The following MAST4 variants were observed in gnomAD, a reference collection of about 807,000 sequenced individuals.
The protein encoded by MAST4 is microtubule-associated serine/threonine-protein kinase 4.
A neutral mutation model predicts 162.7 loss-of-function variants in MAST4; 89 were observed. The observed-to-expected ratio is 0.55, with a 90% CI of 0.46 to 0.65. The LOEUF (loss-of-function observed/expected upper bound fraction) is 0.65, where lower values mean the gene tolerates loss of function less well. Among genes scored for constraint, MAST4 ranks in the 30% least tolerant of loss-of-function variants. The pLI is 0.00. For missense variants in MAST4, 3,153 were observed against 3,374.0 expected (o/e 0.93, Z 1.62); for synonymous variants, 1,479 against 1,361.1 (o/e 1.09, Z -1.91).
At chr5:67,131,595 C>G (rs1038369328) in intron 15 of MAST4, among the ~76,000 whole-genome samples, 1 of 152,182 alleles carries the variant, frequency 6.6e-6, no homozygotes. Flanking sequence ...GCCAAACCTC[C>G]TCTCTTATGA....
chr5:66,855,774 A>G (rs1265217561), intron 3 of MAST4, among the ~76,000 whole-genome samples: 1 of 152,190 alleles, frequency 6.6e-6, no homozygotes, highest in South Asian at 2.1e-4. Flanking sequence ...TTGTTCTCCC[A>G]GGGGAATGGA....
chr5:66,937,722 A>G (rs1742912390), intron 4 of MAST4, among the ~76,000 whole-genome samples: 1 of 151,952 alleles, frequency 6.6e-6, no homozygotes, highest in Non-Finnish European at 1.5e-5. Flanking sequence ...TTCTCCCTTC[A>G]TGCTGTATTT....
At chr5:67,133,237 A>T (rs1224619268) in intron 16 of MAST4, among the ~76,000 whole-genome samples, 2 of 151,850 alleles carry the variant, frequency 1.3e-5, no homozygotes, top group African/African-American at 4.8e-5. Flanking sequence ...AATTTTTCTA[A>T]GAGTTTCAAA....
chr5:66,879,921 C>A (rs191128651), intron 3 of MAST4, among the ~76,000 whole-genome samples: 7 of 152,328 alleles, frequency 4.6e-5, no homozygotes, highest in Non-Finnish European at 4.4e-5. Flanking sequence ...CCCACCAGTT[C>A]TTCTTTGGGG....
chr5:66,906,439 G>A (rs985742101), intron 4 of MAST4, among the ~76,000 whole-genome samples: 10 of 152,136 alleles, frequency 6.6e-5, no homozygotes, highest in African/African-American at 2.4e-4. Context: ...AGTCTATTAG[G>A]GCTGGCCTTG....
chr5:66,849,060 A>G (rs551943839), intron 3 of MAST4, among the ~76,000 whole-genome samples: 4 of 152,176 alleles, frequency 2.6e-5, no homozygotes, highest in African/African-American at 4.8e-5. Context: ...ATGACTCTCA[A>G]TATCCCCATT....
chr5:66,760,802 T>C (rs922883741), intron 2 of MAST4, among the ~76,000 whole-genome samples: 7 of 152,174 alleles, frequency 4.6e-5, no homozygotes, highest in Non-Finnish European at 8.8e-5. Context: ...ATATATAATT[T>C]CAAATAGCTA....
At chr5:66,954,246 C>T (rs1745030499) in intron 4 of MAST4, among the ~76,000 whole-genome samples, 1 of 152,148 alleles carries the variant, frequency 6.6e-6, no homozygotes, top group South Asian at 2.1e-4. Context: ...TGATGTATGC[C>T]TTCCAGCCGG....
At chr5:66,638,030 T>C (rs1745235707) in intron 1 of MAST4, among the ~76,000 whole-genome samples, 1 of 152,210 alleles carries the variant, frequency 6.6e-6, no homozygotes, top group East Asian at 1.9e-4. Context: ...TAGTTGTAAT[T>C]TATTCCTCAG....
chr5:67,096,133 T>C (rs1764445080), intron 7 of MAST4, among the ~76,000 whole-genome samples: 1 of 152,086 alleles, frequency 6.6e-6, no homozygotes, highest in South Asian at 2.1e-4. Context: ...TCTTAATTTG[T>C]CTGTGCCTTC....
At chr5:67,005,855 T>G (rs1268202305) in intron 4 of MAST4, among the ~76,000 whole-genome samples, 3 of 152,146 alleles carry the variant, frequency 2.0e-5, no homozygotes, top group African/African-American at 4.8e-5. Context: ...ACCTTTTGAG[T>G]TGTGTTAATA....
At chr5:66,644,172 CTAGATGTATG>C (rs1745671607) in intron 1 of MAST4, among the ~76,000 whole-genome samples, 1 of 151,394 alleles carries the variant, frequency 6.6e-6, no homozygotes, top group Non-Finnish European at 1.5e-5. Context: ...TAAGATCCTA[CTAGATGTATG>C]TATGAACAAT....
At chr5:66,981,274 T>G (rs1310573869) in intron 4 of MAST4, among the ~76,000 whole-genome samples, 2 of 152,216 alleles carry the variant, frequency 1.3e-5, no homozygotes, top group African/African-American at 4.8e-5. Flanking sequence ...ATGTTCTTAT[T>G]TATTGGAAAT....
intron 3 of MAST4, among the ~76,000 whole-genome samples, chr5:66,878,846 G>T (rs563887756): frequency 6.6e-6 from 1 of 152,102 alleles, no homozygotes; most frequent in Non-Finnish European, 1.5e-5. Context: ...TTTTGTCTCC[G>T]TTGGCTTTAA....
At chr5:66,886,222 A>G (rs992228866) in intron 3 of MAST4, among the ~76,000 whole-genome samples, 2 of 152,218 alleles carry the variant, frequency 1.3e-5, no homozygotes, top group Admixed American at 6.5e-5. Flanking sequence ...ATTAGCGTAT[A>G]GGACTTTTGT....
At chr5:66,620,182 C>T (rs1002532253) in intron 1 of MAST4, among the ~76,000 whole-genome samples, 2 of 151,476 alleles carry the variant, frequency 1.3e-5, no homozygotes, top group Admixed American at 6.6e-5. Context: ...AAGATGAAAC[C>T]CTGGTATAGT....
At chr5:66,879,898 A>C (rs186712890) in intron 3 of MAST4, among the ~76,000 whole-genome samples, 1 of 152,234 alleles carries the variant, frequency 6.6e-6, no homozygotes, top group Non-Finnish European at 1.5e-5. Flanking sequence ...ATCAAAATAC[A>C]TGTACCTTTT....
intron 3 of MAST4, among the ~76,000 whole-genome samples, chr5:66,837,052 G>GTGTGTA (rs1310826490): frequency 6.6e-6 from 1 of 151,914 alleles, no homozygotes. Context: ...GTGTGTGTGT[G>GTGTGTA]TATGTATACT....
chr5:66,904,296 A>G (rs981750480), intron 4 of MAST4, among the ~76,000 whole-genome samples: 6 of 152,156 alleles, frequency 3.9e-5, no homozygotes, highest in Non-Finnish European at 7.3e-5. Context: ...TTAATTGCCT[A>G]AATAAACAGC....
Sources: allele counts gnomAD v4.1 joint callset (sites outside exome capture counted in the v4.1 genomes callset), GRCh38; gene constraint gnomAD v4.1.1; transcripts MANE v1.5; gene names NCBI Gene and HGNC (gene_info 2026-07-23, HGNC 2026-07-21).